TBC1D15: variants seen among roughly 807,000 people sequenced by gnomAD.
The protein encoded by TBC1D15 is TBC1 domain family member 15.
In TBC1D15, 39 loss-of-function variants were observed where a neutral mutation model predicts 95.4. The ratio of observed to expected loss-of-function variants is 0.41; its 90% confidence interval spans 0.32 to 0.53. The LOEUF (loss-of-function observed/expected upper bound fraction) is 0.53. TBC1D15 is among the 20% of genes least tolerant of loss of function. The probability of loss-of-function intolerance (pLI) is 0.29; values close to 1 mark genes in which losing one functional copy is unlikely to be tolerated. For missense variants in TBC1D15, 733 were observed against 794.3 expected (o/e 0.92, Z 0.93); for synonymous variants, 258 against 261.3 (o/e 0.99, Z 0.12).
At position 71,872,160 on chromosome 12, in the gene TBC1D15, T is replaced by G. The variant is rs1422281003; in HGVS notation, c.121T>G (p.Leu41Val). Residue 41 changes from leucine to valine, a missense_variant, in exon 2 of 17, where the codon TTA (leucine) becomes GTA (valine). By Grantham distance (32) the Leu-to-Val change is conservative. Transcript: ENST00000485960. ...DGLISGILRV[L>V]EKDAEVIVDW... is the part of the protein sequence containing the mutation. ...CTTGATTTCAGGAATATTACGTGTT[T>G]TAGAAAAGGTAAGTTTCTAGTAAAT... 1 of 1,553,126 alleles carries G rather than the reference T, an allele frequency of 6.4e-7. No individual in the cohort carries two copies. The highest frequency in any genetic ancestry group is 2.4e-5 in the East Asian group (1 of 42,282).
At chr12:71,907,533 G>T (rs1286900709) in intron 11 of TBC1D15, 1 of 156,808 alleles carries the variant, frequency 6.4e-6, no homozygotes, top group Non-Finnish European at 1.4e-5. Context: ...AATAAATGAG[G>T]ATGGTGATAG....
intron 10 of TBC1D15, among the ~76,000 whole-genome samples, chr12:71,904,461 T>C (rs369762406): frequency 5.1e-4 from 77 of 152,320 alleles, no homozygotes; most frequent in African/African-American, 1.8e-3. Context: ...GAAAGGTTTT[T>C]AATGATGTTG....
chr12:71,909,578 G>A (rs1020792730), intron 11 of TBC1D15, among the ~76,000 whole-genome samples: 6 of 152,114 alleles, frequency 3.9e-5, no homozygotes, highest in African/African-American at 1.4e-4. Context: ...TGTTTTTTAA[G>A]AATGATTTCT....
At chr12:71,875,096 G>A (rs904936581) in intron 3 of TBC1D15, among the ~76,000 whole-genome samples, 4 of 151,956 alleles carry the variant, frequency 2.6e-5, no homozygotes, top group Non-Finnish European at 5.9e-5. Context: ...ATGCCACCAT[G>A]CCCGGCTAAT....
intron 1 of TBC1D15, among the ~76,000 whole-genome samples, chr12:71,863,386 G>A (rs1592716901): frequency 7.0e-6 from 1 of 141,990 alleles, no homozygotes; most frequent in Admixed American, 6.7e-5. Context: ...TCAAAAAAAA[G>A]AAAAGAAAAG....
chr12:71,876,837 GTCTC>G (rs1332908940), intron 3 of TBC1D15, among the ~76,000 whole-genome samples: 1 of 147,646 alleles, frequency 6.8e-6, no homozygotes, highest in Non-Finnish European at 1.5e-5. Flanking sequence ...TTGAGACAGA[GTCTC>G]TCTCTGTCTC....
chr12:71,863,167 A>G (rs905014727), intron 1 of TBC1D15, among the ~76,000 whole-genome samples: 1 of 152,132 alleles, frequency 6.6e-6, no homozygotes, highest in Admixed American at 6.6e-5. Context: ...TCACGAGGTC[A>G]GGAGATCGAG....
chr12:71,904,708 T>A (rs1592803355), intron 10 of TBC1D15, among the ~76,000 whole-genome samples: 1 of 152,174 alleles, frequency 6.6e-6, no homozygotes, highest in East Asian at 1.9e-4. Context: ...CAAACATGGT[T>A]GTATGCTTAG....
intron 1 of TBC1D15, among the ~76,000 whole-genome samples, chr12:71,858,541 AT>A (rs1244452149): frequency 8.2e-5 from 11 of 134,030 alleles, no homozygotes; most frequent in East Asian, 2.2e-4. Flanking sequence ...TCATATGCTA[AT>A]TTTTTTTTCT....
chr12:71,860,680 C>A (rs1361836890), intron 1 of TBC1D15, among the ~76,000 whole-genome samples: 1 of 152,106 alleles, frequency 6.6e-6, no homozygotes, highest in Non-Finnish European at 1.5e-5. Flanking sequence ...ATTATATCTG[C>A]AAACAAGGAT....
chr12:71,902,966 G>T (rs898935281), intron 10 of TBC1D15, among the ~76,000 whole-genome samples: 1 of 152,162 alleles, frequency 6.6e-6, no homozygotes, highest in African/African-American at 2.4e-5. Context: ...AGGCTGGAGT[G>T]CAGCAGTGCA....
At position 71,885,044 on chromosome 12, in the gene TBC1D15, C is replaced by T. The variant is rs749343509; in HGVS notation, c.554+23C>T. 6.2e-6 allele frequency: 10 copies of T among 1,606,178 alleles called. 1 individual carries two copies. The East Asian group carries it at 2.0e-4, about 32-fold the overall frequency. ...TGAGTAAGTATCATATTATTTTCTA[C>T]TTATTGAAACCAGATCATTGTATTA... On this transcript the variant is annotated intron_variant, in intron 5 of 16. Coordinates refer to ENST00000485960, the MANE Select transcript of TBC1D15 (RefSeq NM_001146213.3).
chr12:71,898,632 T>TAC (rs1253221516), intron 10 of TBC1D15, among the ~76,000 whole-genome samples: 2 of 152,168 alleles, frequency 1.3e-5, no homozygotes, highest in Non-Finnish European at 1.5e-5. Context: ...ATGTTCTTAT[T>TAC]ACACTGTCTC....
intron 16 of TBC1D15, among the ~76,000 whole-genome samples, chr12:71,921,729 A>G (rs1056841286): frequency 3.3e-5 from 5 of 152,340 alleles, no homozygotes; most frequent in African/African-American, 1.2e-4. Context: ...GCAATGATAT[A>G]TTACCCAGTT....
intron 11 of TBC1D15, among the ~76,000 whole-genome samples, chr12:71,911,454 TGAG>T (rs749107052): frequency 0.057 from 8,702 of 151,750 alleles, 579 homozygotes; most frequent in East Asian, 0.31. Context: ...TAAAAAATGA[TGAG>T]TTCATGTCCT....
chr12:71,875,126 A>G (rs1276961224), intron 3 of TBC1D15, among the ~76,000 whole-genome samples: 1 of 151,906 alleles, frequency 6.6e-6, no homozygotes, highest in African/African-American at 2.4e-5. Context: ...TTTTGTAGAG[A>G]CAGGGTTTCA....
intron 14 of TBC1D15, among the ~76,000 whole-genome samples, chr12:71,918,962 G>A (rs1042159571): frequency 2.0e-5 from 3 of 152,036 alleles, no homozygotes; most frequent in Non-Finnish European, 4.4e-5. Flanking sequence ...TTAGGTTCAG[G>A]GAGTACATGT....
intron 12 of TBC1D15, among the ~76,000 whole-genome samples, chr12:71,915,617 A>G (rs1903531719): frequency 1.3e-5 from 2 of 152,048 alleles, no homozygotes; most frequent in Admixed American, 6.6e-5. Context: ...TGTAAAGACT[A>G]CCTTCTGAAC....
chr12:71,848,648 T>G (rs1334317211), intron 1 of TBC1D15, among the ~76,000 whole-genome samples: 1 of 152,184 alleles, frequency 6.6e-6, no homozygotes, highest in Admixed American at 6.5e-5. Context: ...AATTATTTAT[T>G]TTTATTCATC....
Sources: gnomAD v4.1 joint callset for allele counts (sites outside exome capture counted in the v4.1 genomes callset) on GRCh38, gnomAD v4.1.1 for gene constraint, MANE v1.5 for transcripts, NCBI Gene and HGNC (gene_info 2026-07-23, HGNC 2026-07-21) for gene names.